Variants in CAST observed in about 807,000 individuals in gnomAD.
CAST encodes MIR583 host.
In CAST, 76 loss-of-function variants were observed where a neutral mutation model predicts 119.6. The ratio of observed to expected loss-of-function variants is 0.64; its 90% CI spans 0.53 to 0.77. CAST has a LOEUF of 0.77. CAST is among the 30% of genes least tolerant of loss of function. The pLI is 0.00. For missense variants in CAST, 953 were observed against 946.5 expected (o/e 1.01, Z -0.09); for synonymous variants, 319 against 331.6 (o/e 0.96, Z 0.41).
At chr5:96,684,565 CT>C (rs553311999) in intron 2 of CAST, among the ~76,000 whole-genome samples, 418 of 142,338 alleles carry the variant, frequency 2.9e-3, no homozygotes, top group Middle Eastern at 3.6e-3. Context: ...GCATCACTAT[CT>C]TTTTTTTTTT....
chr5:96,362,101 G>A, the CAST span, among the ~76,000 whole-genome samples: 1 of 151,982 alleles, frequency 6.6e-6, no homozygotes, highest in Non-Finnish European at 1.5e-5. Context: ...TTCTGTCCTT[G>A]CGATAGTTTG....
the CAST span, among the ~76,000 whole-genome samples, chr5:96,092,144 A>G: frequency 2.0e-5 from 3 of 152,150 alleles, no homozygotes; most frequent in Non-Finnish European, 4.4e-5. Context: ...CCCCTTTGAC[A>G]TCATTTCCTT....
At chr5:95,966,698 G>T in the CAST span, among the ~76,000 whole-genome samples, 569 of 152,294 alleles carry the variant, frequency 3.7e-3, 2 homozygotes, top group Non-Finnish European at 5.9e-3. Flanking sequence ...CCTTTCACAT[G>T]TATTGAATAC....
At chr5:96,171,064 A>G in the CAST span, among the ~76,000 whole-genome samples, 1 of 152,122 alleles carries the variant, frequency 6.6e-6, no homozygotes, top group Non-Finnish European at 1.5e-5. Flanking sequence ...GGTGGGAGGG[A>G]AAGAAGCAAG....
At chr5:96,505,527 A>G in the CAST span, among the ~76,000 whole-genome samples, 1 of 152,196 alleles carries the variant, frequency 6.6e-6, no homozygotes, top group South Asian at 2.1e-4. Context: ...GAATATTATT[A>G]AATCCTCTTC....
the CAST span, among the ~76,000 whole-genome samples, chr5:96,139,506 A>ATG: frequency 7.0e-6 from 1 of 142,206 alleles, no homozygotes; most frequent in African/African-American, 2.6e-5. Flanking sequence ...ATATATATAC[A>ATG]CATATATATA....
the CAST span, among the ~76,000 whole-genome samples, chr5:96,070,990 A>G: frequency 2.6e-5 from 4 of 152,120 alleles, no homozygotes; most frequent in African/African-American, 7.2e-5. Context: ...GGTGAGCAAG[A>G]AAGTGAAATG....
At chr5:96,338,295 G>A in the CAST span, among the ~76,000 whole-genome samples, 5 of 152,110 alleles carry the variant, frequency 3.3e-5, no homozygotes, top group South Asian at 2.1e-4. Context: ...ACTCTGCATC[G>A]TTTTTTGACT....
chr5:96,572,252 G>A (rs1190512698), intron 1 of CAST, among the ~76,000 whole-genome samples: 4 of 151,598 alleles, frequency 2.6e-5, no homozygotes, highest in South Asian at 2.1e-4. Context: ...CCAGGCTGGA[G>A]TGCAGTGGCA....
chr5:96,448,886 G>A, the CAST span, among the ~76,000 whole-genome samples: 2 of 152,054 alleles, frequency 1.3e-5, no homozygotes, highest in Non-Finnish European at 2.9e-5. Context: ...TGGATAAATT[G>A]TGAAGAAAAA....
At chr5:96,476,927 C>CAA in the CAST span, among the ~76,000 whole-genome samples, 36,836 of 131,872 alleles carry the variant, frequency 0.28, 5,222 homozygotes, top group African/African-American at 0.31. Flanking sequence ...ATGTGGATGG[C>CAA]AAAAAAAAAA....
At chr5:96,507,962 T>C in the CAST span, among the ~76,000 whole-genome samples, 2 of 151,296 alleles carry the variant, frequency 1.3e-5, no homozygotes, top group Admixed American at 6.6e-5. Flanking sequence ...AACATTGGAT[T>C]GTGCCACTAA....
At chr5:96,372,234 C>T in the CAST span, among the ~76,000 whole-genome samples, 1 of 152,192 alleles carries the variant, frequency 6.6e-6, no homozygotes, top group African/African-American at 2.4e-5. Context: ...TTCAGTGTTC[C>T]TTGCTATATA....
chr5:96,750,223 T>G (rs1014684962), intron 19 of CAST, among the ~76,000 whole-genome samples: 1 of 152,206 alleles, frequency 6.6e-6, no homozygotes. Context: ...ATTGCTCAAA[T>G]GTATTGAGCT....
intron 1 of CAST, among the ~76,000 whole-genome samples, chr5:96,564,339 GACA>G (rs1746432702): frequency 6.6e-6 from 1 of 152,170 alleles, no homozygotes; most frequent in African/African-American, 2.4e-5. Context: ...AAGGTTAATT[GACA>G]ACAAGATCTT....
chr5:96,741,072 G>A lies in CAST; in HGVS notation c.919-194G>A, dbSNP rs1581214281. ...GAGAATGTAACTCCTTTTGAAAGGG[G>A]GAAGTGGAAAATAATACTCAATGAG... On this transcript the variant is annotated intron_variant, in intron 13 of 31. Coordinates refer to ENST00000675179, the MANE Select transcript of CAST (RefSeq NM_001750.7). 6.7e-6 allele frequency: 4 copies of A among 595,056 alleles called. No individual in the cohort carries two copies. In the East Asian group the frequency reaches 1.1e-4, roughly 17 times the overall value. 36.9% of individuals were successfully genotyped at this position (595,056 alleles called of 1,614,324 possible).
chr5:96,737,005 T>C (rs962085445), intron 10 of CAST, among the ~76,000 whole-genome samples: 1 of 152,156 alleles, frequency 6.6e-6, no homozygotes, highest in Non-Finnish European at 1.5e-5. Flanking sequence ...AGAGAGAGCA[T>C]GTGAAGGAGG....
At chr5:96,657,709 G>A (rs1748183881), upstream of CAST, among the ~76,000 whole-genome samples, 1 of 152,192 alleles carries the variant, frequency 6.6e-6, no homozygotes, top group South Asian at 2.1e-4. Context: ...ATAAGATGGT[G>A]TTTGTGAGTG....
the CAST span, among the ~76,000 whole-genome samples, chr5:96,261,145 T>G: frequency 0.011 from 1,724 of 152,326 alleles, 27 homozygotes; most frequent in African/African-American, 0.039. Context: ...TCATGGATGA[T>G]TCTCATCTTC....
Sources: allele counts gnomAD v4.1 joint callset (sites outside exome capture counted in the v4.1 genomes callset), GRCh38; gene constraint gnomAD v4.1.1; transcripts MANE v1.5; gene names NCBI Gene and HGNC (gene_info 2026-07-23, HGNC 2026-07-21).